Variants in FLNB observed in about 807,000 individuals in gnomAD.
FLNB encodes filamin-B.
Under a neutral mutation model 250.6 loss-of-function variants are expected in FLNB, and 111 were observed. That is an observed-to-expected ratio of 0.44 (90% CI 0.38 to 0.52). The LOEUF (loss-of-function observed/expected upper bound fraction) is 0.52. Among genes scored for constraint, FLNB ranks in the 20% least tolerant of loss-of-function variants. The probability of loss-of-function intolerance (pLI) is 0.00; values close to 1 mark genes in which losing one functional copy is unlikely to be tolerated. For synonymous variants in FLNB, 1,302 were observed against 1,372.1 expected (o/e 0.95, Z 1.13); for missense variants, 2,869 against 3,447.8 (o/e 0.83, Z 4.20).
At chr3:58,083,839 C>T (rs2097212904) in intron 4 of FLNB, among the ~76,000 whole-genome samples, 1 of 152,112 alleles carries the variant, frequency 6.6e-6, no homozygotes. Flanking sequence ...GGACTAGGGA[C>T]TTCAAAGCCC....
intron 4 of FLNB, among the ~76,000 whole-genome samples, chr3:58,088,747 C>A (rs1048086394): frequency 5.9e-5 from 9 of 152,178 alleles, no homozygotes; most frequent in Admixed American, 2.0e-4. Context: ...TACTCCAGGT[C>A]CACACCATAG....
At position 58,102,184 on chromosome 3, in the gene FLNB, G is replaced by A. The variant is rs1364415264; in HGVS notation, c.1346-19G>A. On this transcript the variant is annotated intron_variant, in intron 8 of 45. Coordinates refer to ENST00000295956, the MANE Select transcript of FLNB (RefSeq NM_001457.4). ...CTAAAGAATGAAAGATTGAATTGAT[G>A]TCAAAACTGTGCTTGCAGCCTGCAA... 3 of 1,614,132 alleles carry A rather than the reference G, an allele frequency of 1.9e-6. No homozygotes were observed. The highest frequency in any genetic ancestry group is 1.7e-5 in the Admixed American group (1 of 60,016).
In FLNB at chr3:58,083,721, T is replaced by C. The variant is rs568549582; in HGVS notation, c.787+1945T>C. ...TGGTCGAGTCTTCTCATCTGACTTT[T>C]TGGGCATGATTTAGACCGGCAGATA... On this transcript the variant is annotated intron_variant, in intron 4 of 45. Transcript: ENST00000295956. Among the ~76,000 whole-genome samples, 37 of 152,234 alleles carry C rather than the reference T, an allele frequency of 2.4e-4. 1 individual carries two copies. Among genetic ancestry groups the C allele is most frequent in the African/African-American group, 7.2e-4 (30 of 41,552 alleles).
At position 58,014,383 on chromosome 3, in the gene FLNB, G is replaced by A. The variant is rs143968908; in HGVS notation, c.292+5527G>A. ...CCAAGCTGGACAGGGAGCTCCAGGCGTCTGGTCATTCCAGCCTCCCACCCC... is the reference window on the plus strand; with the variant it reads ...CCAAGCTGGACAGGGAGCTCCAGGCATCTGGTCATTCCAGCCTCCCACCCC... On this transcript the variant is annotated intron_variant, in intron 1 of 45. Coordinates refer to ENST00000295956, the MANE Select transcript of FLNB (RefSeq NM_001457.4). 6.6e-5 allele frequency among the ~76,000 whole-genome samples: 10 copies of A among 152,334 alleles called. No individual in the cohort carries two copies. In the East Asian group the frequency reaches 1.4e-3, roughly 21 times the overall value.
Position 58,143,491 on chromosome 3 carries a change from C to T in FLNB, c.5303C>T (p.Ser1768Phe), listed in dbSNP as rs886058764. Residue 1768 changes from serine to phenylalanine, a missense_variant, in exon 32 of 46, where the codon TCT (serine) becomes TTT (phenylalanine). Transcript: ENST00000295956. ...GEITGEVHMP[S>F]GKTATPEIVD... Reference sequence around the variant, plus strand: ...TCCATAGGAGAGGTCCACATGCCTTCTGGGAAGACAGCCACACCTGAGATT... The same window carrying T: ...TCCATAGGAGAGGTCCACATGCCTTTTGGGAAGACAGCCACACCTGAGATT... 2 of 1,614,172 alleles carry T rather than the reference C, an allele frequency of 1.2e-6. No homozygotes were observed. The highest frequency in any genetic ancestry group is 8.5e-7 in the Non-Finnish European group (1 of 1,180,050).
chr3:58,018,000 ATTC>A (rs973990055), intron 1 of FLNB, among the ~76,000 whole-genome samples: 1 of 152,120 alleles, frequency 6.6e-6, no homozygotes, highest in Non-Finnish European at 1.5e-5. Context: ...CCTACATATT[ATTC>A]TTTGGCTCTT....
intron 38 of FLNB, 84 bp from the exon 39 acceptor site, chr3:58,153,291 C>T (rs2097348257): frequency 4.6e-6 from 7 of 1,525,072 alleles, no homozygotes; most frequent in African/African-American, 1.4e-5. Flanking sequence ...ACCTTGCTCT[C>T]GGCTGCTTGC....
chr3:58,166,820 T>TAAA (rs34096220), intron 43 of FLNB, among the ~76,000 whole-genome samples: 1 of 147,722 alleles, frequency 6.8e-6, no homozygotes, highest in African/African-American at 2.5e-5. Flanking sequence ...AGACTTTATC[T>TAAA]AAAAAAAAAA....
At position 58,134,734 on chromosome 3, in the gene FLNB, C is replaced by T; in HGVS notation, c.4633C>T (p.Arg1545Ter). ...ACCTGTGGACTTTGCAATTGATGCC[C>T]GAGATGCCGGGGAAGGCCTGCTTGC... Reference protein sequence around the residue: ...SLPVDFAIDARDAGEGLLAVQ... With the variant: ...SLPVDFAIDA Residue 1545 changes from arginine (R) to a stop codon, truncating the protein, a stop_gained, in exon 27 of 46, where the codon CGA becomes TGA. Coordinates refer to ENST00000295956, the MANE Select transcript of FLNB (RefSeq NM_001457.4). LOFTEE classifies it high-confidence loss of function. 4 of 1,614,104 alleles carry T rather than the reference C, an allele frequency of 2.5e-6. No homozygotes were observed. The highest frequency in any genetic ancestry group is 3.4e-6 in the Non-Finnish European group (4 of 1,179,966).
intron 36 of FLNB, chr3:58,149,285 T>C: frequency 3.7e-6 from 1 of 273,190 alleles, no homozygotes; most frequent in East Asian, 9.4e-5. Flanking sequence ...TTGAGTTAGA[T>C]TGTGTCTCTT....
chr3:58,146,185 T>C (rs2097335577), intron 33 of FLNB, 136 bp downstream of exon 33: 2 of 1,036,346 alleles, frequency 1.9e-6, no homozygotes, highest in Admixed American at 4.0e-5. Flanking sequence ...CGTGTAAATC[T>C]GTTTCTTCTT....
Position 58,070,836 on chromosome 3 carries a change from G to A in FLNB, c.293-6210G>A, listed in dbSNP as rs977089552. On this transcript the variant is annotated intron_variant, in intron 1 of 45. Transcript: ENST00000295956. ...CACCACGCCCAGCAAATTTTTAGAA[G>A]AGACTGGGTTTCACCATGTTGGCCA... Among the ~76,000 whole-genome samples, 14 of 151,594 alleles carry A rather than the reference G, an allele frequency of 9.2e-5. No homozygotes were observed. In the South Asian group the frequency reaches 1.3e-3, roughly 14 times the overall value.
rs567359984 is a variant in FLNB at position 58,032,346 on chromosome 3, C to A, written c.292+23490C>A. On this transcript the variant is annotated intron_variant, in intron 1 of 45. Transcript: ENST00000295956. ...AAGGCATTCATGCTTAGCAGGATTTCTCTCCCCCTACCCCCACCCCAAGTG... is the reference window on the plus strand; with the variant it reads ...AAGGCATTCATGCTTAGCAGGATTTATCTCCCCCTACCCCCACCCCAAGTG... 2.0e-5 allele frequency among the ~76,000 whole-genome samples: 3 copies of A among 152,244 alleles called. No homozygotes were observed. The South Asian group carries it at 6.2e-4, about 32-fold the overall frequency.
rs139017674 is a variant in FLNB at position 58,105,084 on chromosome 3, T to C, written c.1615T>C (p.Phe539Leu). The stretch of plus-strand genomic sequence containing the variant: ...CTTCTATTCCTTTCCCTGTAGCCCC[T>C]TTGAAGTTCAAGTTGGCCCTGAAGC... ...WGGHHIPKSP[F>L]EVQVGPEAGM... Residue 539 changes from phenylalanine (F) to leucine (L), a missense_variant, in exon 11 of 46, where the codon TTT (phenylalanine) becomes CTT (leucine). Physicochemically the swap from Phe to Leu is conservative, Grantham distance 22. Transcript: ENST00000295956. 41 of 1,614,126 alleles carry C rather than the reference T, an allele frequency of 2.5e-5. No homozygotes were observed. Among genetic ancestry groups the C allele is most frequent in the Non-Finnish European group, 3.1e-5 (36 of 1,180,052 alleles).
chr3:58,025,116 T>C (rs1441002144), intron 1 of FLNB, among the ~76,000 whole-genome samples: 1 of 125,876 alleles, frequency 7.9e-6, no homozygotes, highest in African/African-American at 3.5e-5. Context: ...CTTTTTTCTT[T>C]TCTTCTTTCT....
chr3:58,161,222 GA>G (rs1254512951), intron 42 of FLNB, among the ~76,000 whole-genome samples: 2 of 152,194 alleles, frequency 1.3e-5, no homozygotes, highest in Non-Finnish European at 2.9e-5. Context: ...TGGCTATAGA[GA>G]GTGAGAGAGA....
At chr3:58,013,123 T>C (rs1267282797) in intron 1 of FLNB, among the ~76,000 whole-genome samples, 1 of 152,268 alleles carries the variant, frequency 6.6e-6, no homozygotes, top group Non-Finnish European at 1.5e-5. Context: ...TTACTTGTTT[T>C]TCCAAAAACC....
At chr3:58,137,365 A>G (rs780883559) in intron 28 of FLNB, among the ~76,000 whole-genome samples, 37 of 152,204 alleles carry the variant, frequency 2.4e-4, no homozygotes, top group Admixed American at 4.6e-4. Context: ...AATTGATGGC[A>G]TGTTAACGTT....
chr3:58,058,740 C>G (rs1419847032), intron 1 of FLNB, among the ~76,000 whole-genome samples: 1 of 152,178 alleles, frequency 6.6e-6, no homozygotes, highest in African/African-American at 2.4e-5. Context: ...ATTTCTTAAT[C>G]ACTGCCACAG....
Sources: gnomAD v4.1 joint callset for allele counts (sites outside exome capture counted in the v4.1 genomes callset) on GRCh38, gnomAD v4.1.1 for gene constraint, MANE v1.5 for transcripts, NCBI Gene and HGNC (gene_info 2026-07-23, HGNC 2026-07-21) for gene names.